Variants in LRRC1 observed in about 807,000 individuals in gnomAD.
LRRC1 encodes the protein leucine rich repeat containing 1.
Under a neutral mutation model 69.9 loss-of-function variants are expected in LRRC1, and 28 were observed. The observed-to-expected ratio is 0.40, with a 90% CI of 0.30 to 0.55. The LOEUF is 0.55. Ranked by LOEUF, LRRC1 falls within the 20% of genes least tolerant of loss-of-function variation. LRRC1 has a pLI of 0.47. For missense variants in LRRC1, 498 were observed against 609.0 expected (o/e 0.82, Z 1.92); for synonymous variants, 236 against 240.2 (o/e 0.98, Z 0.16).
At chr6:53,904,343 T>G (rs1021233015) in intron 9 of LRRC1, 36 bp from the exon 10 acceptor site, 4 of 1,263,352 alleles carry the variant, frequency 3.2e-6, no homozygotes, top group Non-Finnish European at 4.6e-6. Context: ...GTTAAAAATG[T>G]GTGTTAAATT....
chr6:53,882,467 T>C (rs1395854948), intron 3 of LRRC1, among the ~76,000 whole-genome samples: 1 of 152,250 alleles, frequency 6.6e-6, no homozygotes, highest in Non-Finnish European at 1.5e-5. Flanking sequence ...TGTTTTATTA[T>C]AATCTCATGG....
intron 2 of LRRC1, among the ~76,000 whole-genome samples, chr6:53,874,416 CTATTA>C (rs1453325437): frequency 1.3e-5 from 2 of 151,500 alleles, no homozygotes; most frequent in Admixed American, 1.3e-4. Context: ...CACAAATAAG[CTATTA>C]TATTTATGCT....
In LRRC1 at chr6:53,882,191, T is replaced by TA. The variant is rs555889953; in HGVS notation, c.357-695dup. On this transcript the variant is annotated intron_variant, in intron 3 of 13. Coordinates refer to ENST00000370888, the MANE Select transcript of LRRC1 (RefSeq NM_018214.5). ...GTGAAACCCCGTCTCTACTTAAAAA[T>TA]ACAAAAATTATCTGGGCGTGGTGGC... Among the ~76,000 whole-genome samples the TA allele has an allele frequency of 5.2e-3, 795 of 152,212 alleles. 15 individuals are homozygous for TA. The highest frequency in any genetic ancestry group is 7.1e-3 in the Non-Finnish European group (482 of 68,006).
At chr6:53,823,596 C>T (rs1037435531) in intron 1 of LRRC1, among the ~76,000 whole-genome samples, 7 of 152,124 alleles carry the variant, frequency 4.6e-5, no homozygotes, top group Non-Finnish European at 8.8e-5. Context: ...TATTTTGTCA[C>T]CTAGATATTA....
At chr6:53,913,614 T>C (rs960006989) in intron 10 of LRRC1, among the ~76,000 whole-genome samples, 1 of 152,210 alleles carries the variant, frequency 6.6e-6, no homozygotes, top group Admixed American at 6.5e-5. Flanking sequence ...ACTGTATCAT[T>C]GATTTTCTTG....
intron 13 of LRRC1, among the ~76,000 whole-genome samples, chr6:53,921,907 A>T (rs1412175155): frequency 6.6e-6 from 1 of 152,222 alleles, no homozygotes; most frequent in Non-Finnish European, 1.5e-5. Flanking sequence ...GATTATCACC[A>T]GTGACTTCAT....
At chr6:53,806,809 A>C (rs572077241) in intron 1 of LRRC1, among the ~76,000 whole-genome samples, 2 of 152,336 alleles carry the variant, frequency 1.3e-5, no homozygotes, top group South Asian at 2.1e-4. Context: ...CCCAGAACCA[A>C]TTAAGGAAAA....
chr6:53,808,884 G>C (rs1188248189), intron 1 of LRRC1, among the ~76,000 whole-genome samples: 1 of 152,140 alleles, frequency 6.6e-6, no homozygotes, highest in African/African-American at 2.4e-5. Context: ...AAAGAGCACT[G>C]AGCTGCAATA....
At chr6:53,881,389 TA>T (rs1218179621) in intron 3 of LRRC1, among the ~76,000 whole-genome samples, 2 of 152,188 alleles carry the variant, frequency 1.3e-5, no homozygotes, top group Non-Finnish European at 2.9e-5. Context: ...AACACCTATT[TA>T]AATCAAAACT....
chr6:53,920,536 T>C (rs183109442), intron 12 of LRRC1, 89 bp from the exon 13 acceptor site: 468 of 1,488,130 alleles, frequency 3.1e-4, no homozygotes, highest in Non-Finnish European at 3.7e-4. Flanking sequence ...GTCCTCCGTA[T>C]AGATTCTACC....
chr6:53,818,951 G>A (rs1765033708), intron 1 of LRRC1, among the ~76,000 whole-genome samples: 2 of 152,186 alleles, frequency 1.3e-5, no homozygotes, highest in African/African-American at 4.8e-5. Flanking sequence ...GTTTCAAGTT[G>A]TCAGGGAGGC....
intron 1 of LRRC1, among the ~76,000 whole-genome samples, chr6:53,838,024 T>A (rs1765660950): frequency 6.6e-6 from 1 of 152,202 alleles, no homozygotes; most frequent in Non-Finnish European, 1.5e-5. Context: ...CACTGAGGCT[T>A]CCTGCCAAGA....
Position 53,813,077 on chromosome 6 carries a change from G to A in LRRC1, c.159+17662G>A, listed in dbSNP as rs529011147. Among the ~76,000 whole-genome samples, 4 of 152,222 alleles carry A rather than the reference G, an allele frequency of 2.6e-5. No homozygotes were observed. The South Asian group carries it at 8.3e-4, about 32-fold the overall frequency. The stretch of plus-strand genomic sequence containing the variant: ...TGAGGATGCCGATGAAAAGGTACTT[G>A]GGATGCTGTACAGAGAGAGAGAAGG... On this transcript the variant is annotated intron_variant, in intron 1 of 13. Transcript: ENST00000370888.
At chr6:53,797,420 T>A (rs924728163) in intron 1 of LRRC1, among the ~76,000 whole-genome samples, 1 of 152,196 alleles carries the variant, frequency 6.6e-6, no homozygotes, top group Admixed American at 6.5e-5. Flanking sequence ...ATGCCAGACA[T>A]GAGAACCACC....
rs569691551 is a variant in LRRC1 at position 53,821,459 on chromosome 6, G to A, written c.160-20651G>A. 8.7e-4 allele frequency among the ~76,000 whole-genome samples: 133 copies of A among 152,268 alleles called. 1 individual carries two copies. The highest frequency in any genetic ancestry group is 1.8e-3 in the Admixed American group (28 of 15,298). On this transcript the variant is annotated intron_variant, in intron 1 of 13. Transcript: ENST00000370888. ...AAACATTTTTTGAAGGCCCTGAAAA[G>A]TATCATGGGCCATCAGCACTGTGCC...
At chr6:53,849,711 A>G (rs998398397) in intron 2 of LRRC1, among the ~76,000 whole-genome samples, 1 of 152,254 alleles carries the variant, frequency 6.6e-6, no homozygotes, top group Non-Finnish European at 1.5e-5. Context: ...TGAAGATTAA[A>G]TATAGAAATG....
chr6:53,860,628 A>C (rs2127422922), intron 2 of LRRC1, among the ~76,000 whole-genome samples: 1 of 152,246 alleles, frequency 6.6e-6, no homozygotes, highest in South Asian at 2.1e-4. Flanking sequence ...AAGGCAGTTA[A>C]ATTAGATCCA....
At chr6:53,908,981 T>G (rs1768326423) in intron 10 of LRRC1, among the ~76,000 whole-genome samples, 1 of 152,240 alleles carries the variant, frequency 6.6e-6, no homozygotes, top group Non-Finnish European at 1.5e-5. Flanking sequence ...TAAATTATTA[T>G]GACTTTCTGG....
At chr6:53,855,213 A>T (rs970599990) in intron 2 of LRRC1, among the ~76,000 whole-genome samples, 12 of 152,244 alleles carry the variant, frequency 7.9e-5, no homozygotes, top group Non-Finnish European at 1.5e-4. Flanking sequence ...TTTATGTAAC[A>T]AAACACTCTG....
Sources: gnomAD v4.1 joint callset for allele counts (sites outside exome capture counted in the v4.1 genomes callset) on GRCh38, gnomAD v4.1.1 for gene constraint, MANE v1.5 for transcripts, NCBI Gene and HGNC (gene_info 2026-07-23, HGNC 2026-07-21) for gene names.